Variants in ATP8A2 observed in about 807,000 individuals in gnomAD.
ATP8A2 encodes phospholipid-transporting ATPase IB.
In ATP8A2, 100 loss-of-function variants were observed where a neutral mutation model predicts 165.6. The ratio of observed to expected loss-of-function variants is 0.60; its 90% CI spans 0.51 to 0.71. The LOEUF is 0.71. Among genes scored for constraint, ATP8A2 ranks in the 30% least tolerant of loss-of-function variants. The pLI, the probability that ATP8A2 is intolerant of heterozygous loss-of-function variation, is 0.00. For missense variants in ATP8A2, 1,227 were observed against 1,479.5 expected (o/e 0.83, Z 2.80); for synonymous variants, 543 against 548.8 (o/e 0.99, Z 0.15).
In ATP8A2 at chr13:25,559,741, G is replaced by C. The variant is rs1230287861; in HGVS notation, c.1373G>C (p.Arg458Thr). ...VTYGHFPELA[R>T]EPSSDDFCRM... ...GGCAGTCACTTCCCAGAATTGGCAA[G>C]AGAGCCGTCTTCAGATGACTTCTGG... The change falls in exon 15 of 37, where the codon AGA becomes ACA. Residue 458 changes from arginine to threonine, a missense_variant. Transcript: ENST00000381655. 1 of 1,613,650 alleles carries C rather than the reference G, an allele frequency of 6.2e-7. No individual in the cohort carries two copies. The highest frequency in any genetic ancestry group is 1.7e-5 in the Admixed American group (1 of 60,008).
At chr13:25,965,509 A>G (rs1368446401) in intron 34 of ATP8A2, among the ~76,000 whole-genome samples, 1 of 152,220 alleles carries the variant, frequency 6.6e-6, no homozygotes, top group African/African-American at 2.4e-5. Context: ...AAAATAATTG[A>G]TTGATTATAT....
At chr13:25,897,642 TTCCATTC>T (rs1204030407) in intron 33 of ATP8A2, among the ~76,000 whole-genome samples, 1 of 152,234 alleles carries the variant, frequency 6.6e-6, no homozygotes, top group Non-Finnish European at 1.5e-5. Context: ...TCCAACTTAG[TTCCATTC>T]TCCCCGTCAC....
At chr13:25,895,473 A>G (rs1424923076) in intron 33 of ATP8A2, among the ~76,000 whole-genome samples, 55 of 152,206 alleles carry the variant, frequency 3.6e-4, no homozygotes, top group African/African-American at 1.2e-3. Flanking sequence ...ATGTTCATCA[A>G]GGATATTGGT....
rs1957085547 is a variant in ATP8A2 at position 26,021,768 on chromosome 13, A to G, written c.*1783A>G. 6.6e-6 allele frequency: 1 copy of G among 152,196 alleles called. No homozygotes were observed. The highest frequency in any genetic ancestry group is 6.5e-5 in the Admixed American group (1 of 15,278). 9.4% of individuals were successfully genotyped at this position (152,196 alleles called of 1,614,324 possible). The stretch of plus-strand genomic sequence containing the variant: ...GAATGAATTTATCACATGACTGTGC[A>G]GCGAAGGAGCACACCTGTCACTCTT... On this transcript the variant is annotated 3_prime_UTR_variant, in exon 37 of 37. Coordinates refer to ENST00000381655, the MANE Select transcript of ATP8A2 (RefSeq NM_016529.6).
At chr13:25,553,991 A>ATG in intron 12 of ATP8A2, 71 bp downstream of exon 12, 1 of 1,475,240 alleles carries the variant, frequency 6.8e-7, no homozygotes, top group South Asian at 1.2e-5. Context: ...TTAATTGAGC[A>ATG]CTCAAAAAAG....
intron 33 of ATP8A2, among the ~76,000 whole-genome samples, chr13:25,913,923 T>A (rs374000242): frequency 3.4e-4 from 52 of 152,220 alleles, no homozygotes; most frequent in African/African-American, 1.2e-3. Flanking sequence ...AGCCCTTGGG[T>A]GGTTTTGTCC....
At chr13:25,653,042 A>G (rs892351444) in intron 24 of ATP8A2, among the ~76,000 whole-genome samples, 4 of 152,210 alleles carry the variant, frequency 2.6e-5, no homozygotes, top group African/African-American at 4.8e-5. Context: ...TTTCAGTGCA[A>G]TCACTCTTCC....
intron 27 of ATP8A2, among the ~76,000 whole-genome samples, chr13:25,827,405 C>G (rs768734940): frequency 6.6e-6 from 1 of 152,218 alleles, no homozygotes; most frequent in Non-Finnish European, 1.5e-5. Flanking sequence ...AGCCACCACG[C>G]CCGGTCTCTG....
chr13:25,668,132 ATTG>A (rs2042191860), intron 24 of ATP8A2, among the ~76,000 whole-genome samples: 1 of 152,078 alleles, frequency 6.6e-6, no homozygotes. Context: ...TTTACCTGTG[ATTG>A]TTATTTCTTC....
At chr13:25,985,041 G>A (rs1440753878) in intron 35 of ATP8A2, among the ~76,000 whole-genome samples, 8 of 152,330 alleles carry the variant, frequency 5.3e-5, no homozygotes, top group East Asian at 1.9e-4. Flanking sequence ...CGCCTTACAC[G>A]TAAGAACGAA....
At position 25,953,303 on chromosome 13, in the gene ATP8A2, G is replaced by A. The variant is rs1356951881; in HGVS notation, c.3184-8272G>A. ...CTCTGGCTGCAGGTGCTGTGGGGAAGGGGCAGACTTAAATTTTCTTCTGTA... is the reference window on the plus strand; with the variant it reads ...CTCTGGCTGCAGGTGCTGTGGGGAAAGGGCAGACTTAAATTTTCTTCTGTA... On this transcript the variant is annotated intron_variant, in intron 33 of 36. Coordinates refer to ENST00000381655, the MANE Select transcript of ATP8A2 (RefSeq NM_016529.6). The surrounding 1 kb of genome is among the most constrained non-coding windows in gnomAD (Gnocchi z 6.7). 1.3e-5 allele frequency among the ~76,000 whole-genome samples: 2 copies of A among 151,996 alleles called. No homozygotes were observed. Among genetic ancestry groups the A allele is most frequent in the East Asian group, 1.9e-4 (1 of 5,156 alleles).
chr13:25,536,673 T>G (rs1566236968), intron 6 of ATP8A2, among the ~76,000 whole-genome samples: 1 of 152,204 alleles, frequency 6.6e-6, no homozygotes, highest in Non-Finnish European at 1.5e-5. Context: ...AAGAGAATAG[T>G]AACATGGCTA....
chr13:25,852,547 C>A (rs1222656244), intron 30 of ATP8A2, among the ~76,000 whole-genome samples: 1 of 152,196 alleles, frequency 6.6e-6, no homozygotes, highest in Non-Finnish European at 1.5e-5. Context: ...CTGGATATTT[C>A]CTTTCCATTA....
intron 33 of ATP8A2, among the ~76,000 whole-genome samples, chr13:25,892,650 T>C (rs931868065): frequency 4.6e-5 from 7 of 152,022 alleles, no homozygotes; most frequent in Admixed American, 2.6e-4. Flanking sequence ...GCAGGTGTAC[T>C]GGGACACAGC....
intron 33 of ATP8A2, among the ~76,000 whole-genome samples, chr13:25,865,056 C>T (rs951918471): frequency 6.6e-6 from 1 of 152,154 alleles, no homozygotes; most frequent in African/African-American, 2.4e-5. Flanking sequence ...TGGATAGTGG[C>T]TTACACTAGC....
intron 1 of ATP8A2, among the ~76,000 whole-genome samples, chr13:25,437,076 T>A (rs1374979232): frequency 6.6e-6 from 1 of 152,092 alleles, no homozygotes; most frequent in Non-Finnish European, 1.5e-5. Context: ...CGTGCCCAGC[T>A]GTTTTTTGAC....
intron 2 of ATP8A2, among the ~76,000 whole-genome samples, chr13:25,513,999 G>GAGGGAGAGGGAGAGGGAGAGGGC (rs2037380864): frequency 1.5e-5 from 2 of 134,556 alleles, no homozygotes; most frequent in African/African-American, 5.8e-5. Context: ...AGGGGGAGGG[G>GAGGGAGAGGGAGAGGGAGAGGGC]GAGGGAGAGG....
At chr13:25,907,367 ATAAAATAAAAT>A (rs543646906) in intron 33 of ATP8A2, among the ~76,000 whole-genome samples, 901 of 78,940 alleles carry the variant, frequency 0.011, 8 homozygotes, top group African/African-American at 0.047. Flanking sequence ...AAATAAAAAA[ATAAAATAAAAT>A]AAAATAAAAT....
At chr13:25,682,227 C>T (rs940673860) in intron 24 of ATP8A2, among the ~76,000 whole-genome samples, 1 of 152,148 alleles carries the variant, frequency 6.6e-6, no homozygotes, top group African/African-American at 2.4e-5. Context: ...ATTGCCATGG[C>T]CCATCTTCTT....
Sources: gnomAD v4.1 joint callset for allele counts (sites outside exome capture counted in the v4.1 genomes callset) on GRCh38, gnomAD v4.1.1 for gene constraint, Gnocchi (gnomAD v3.1) non-coding constraint, MANE v1.5 for transcripts, NCBI Gene and HGNC (gene_info 2026-07-23, HGNC 2026-07-21) for gene names.